CAPZA2: variants seen among roughly 807,000 people sequenced by gnomAD.
CAPZA2 encodes F-actin-capping protein subunit alpha-2.
A neutral mutation model predicts 44.0 loss-of-function variants in CAPZA2; 13 were observed. The ratio of observed to expected loss-of-function variants is 0.30; its 90% confidence interval spans 0.19 to 0.47. The LOEUF (loss-of-function observed/expected upper bound fraction) is 0.47, where lower values mean the gene tolerates loss of function less well. CAPZA2 is among the 20% of genes least tolerant of loss of function. The pLI, the probability that CAPZA2 is intolerant of heterozygous loss-of-function variation, is 1.00. For synonymous variants in CAPZA2, 94 were observed against 108.2 expected (o/e 0.87, Z 0.81); for missense variants, 244 against 338.6 (o/e 0.72, Z 2.19).
chr7:116,892,243 A>G (rs1329518514), intron 2 of CAPZA2, among the ~76,000 whole-genome samples: 3 of 152,178 alleles, frequency 2.0e-5, no homozygotes, highest in Non-Finnish European at 4.4e-5. Context: ...ATTTTCATCT[A>G]ATGAAAAATT....
intron 1 of CAPZA2, among the ~76,000 whole-genome samples, chr7:116,878,309 T>A (rs968374395): frequency 1.3e-5 from 2 of 152,220 alleles, no homozygotes; most frequent in Admixed American, 6.5e-5. Context: ...TACGCTGTAT[T>A]GGGAGGCAGC....
intron 4 of CAPZA2, among the ~76,000 whole-genome samples, chr7:116,900,433 A>C (rs1436281331): frequency 6.6e-6 from 1 of 151,908 alleles, no homozygotes; most frequent in East Asian, 1.9e-4. Flanking sequence ...AGAATTAATA[A>C]AAGAATTTGG....
chr7:116,897,866 T>G (rs1343548224), intron 3 of CAPZA2, among the ~76,000 whole-genome samples: 3 of 152,098 alleles, frequency 2.0e-5, no homozygotes, highest in African/African-American at 7.2e-5. Flanking sequence ...TTTTTCTGGC[T>G]CTCGTTGCTC....
intron 6 of CAPZA2, among the ~76,000 whole-genome samples, chr7:116,908,028 A>G (rs1261902033): frequency 6.6e-6 from 1 of 152,202 alleles, no homozygotes; most frequent in East Asian, 1.9e-4. Flanking sequence ...TTGGAGACCA[A>G]GGTAGGAGGA....
intron 6 of CAPZA2, among the ~76,000 whole-genome samples, chr7:116,908,713 C>T (rs1791548479): frequency 6.6e-6 from 1 of 151,978 alleles, no homozygotes; most frequent in Admixed American, 6.6e-5. Context: ...GCTAAGGACT[C>T]ACTAGCTGGC....
At chr7:116,907,451 T>G (rs182659001) in intron 6 of CAPZA2, among the ~76,000 whole-genome samples, 3 of 152,304 alleles carry the variant, frequency 2.0e-5, no homozygotes, top group Admixed American at 6.5e-5. Context: ...ATTACTAATT[T>G]ATGTTATTTA....
At chr7:116,902,728 C>T (rs972213178) in intron 4 of CAPZA2, among the ~76,000 whole-genome samples, 1 of 152,088 alleles carries the variant, frequency 6.6e-6, no homozygotes, top group Non-Finnish European at 1.5e-5. Flanking sequence ...CAGCAATACT[C>T]ATTTCACCTT....
intron 1 of CAPZA2, among the ~76,000 whole-genome samples, chr7:116,867,584 T>C (rs1046676423): frequency 3.3e-4 from 7 of 21,322 alleles, no homozygotes; most frequent in East Asian, 0.013. Flanking sequence ...TTCTCTCTCT[T>C]TTTTTTTTTT....
intron 3 of CAPZA2, among the ~76,000 whole-genome samples, chr7:116,895,337 T>C (rs1364030973): frequency 6.6e-6 from 1 of 151,720 alleles, no homozygotes; most frequent in Non-Finnish European, 1.5e-5. Flanking sequence ...TATGGGACTT[T>C]TATTTGTCCA....
intron 6 of CAPZA2, 151 bp from the exon 7 acceptor site, chr7:116,910,082 T>C: frequency 1.5e-6 from 1 of 657,512 alleles, no homozygotes; most frequent in South Asian, 1.6e-5. Flanking sequence ...ACCTTTTGAT[T>C]ATTTTTGACT....
At position 116,916,103 on chromosome 7, in the gene CAPZA2, C is replaced by T. The variant is rs1220190070; in HGVS notation, c.701C>T (p.Ala234Val). 6.5e-7 allele frequency: 1 copy of T among 1,532,460 alleles called. No individual in the cohort carries two copies. The highest frequency in any genetic ancestry group is 8.7e-7 in the Non-Finnish European group (1 of 1,145,960). The allele number at this position is 1,532,460 out of a possible 1,614,324, so 94.9% of individuals were successfully genotyped here. The change falls in exon 9 of 10, where the codon GCT becomes GTT. Residue 234 changes from alanine to valine, a missense_variant. Transcript: ENST00000361183. ...TAKEFIKIVE[A>V]AENEYQTAIS... Reference sequence around the variant, plus strand: ...AAAGAATTTATAAAGATTGTAGAAGCTGCAGAAAATGAATACCAGGTATGA... The same window carrying T: ...AAAGAATTTATAAAGATTGTAGAAGTTGCAGAAAATGAATACCAGGTATGA...
At chr7:116,886,234 G>A (rs1796760341) in intron 1 of CAPZA2, 1 of 153,920 alleles carries the variant, frequency 6.5e-6, no homozygotes, top group Admixed American at 6.5e-5. Context: ...TAAAGTAGAG[G>A]AGATTAGGTA....
intron 1 of CAPZA2, chr7:116,879,946 A>T: frequency 2.8e-6 from 1 of 353,278 alleles, no homozygotes. Flanking sequence ...GGGAGATTTA[A>T]TGTTTATTTA....
chr7:116,892,259 A>G (rs1025679301), intron 2 of CAPZA2, among the ~76,000 whole-genome samples: 1 of 152,224 alleles, frequency 6.6e-6, no homozygotes, highest in Non-Finnish European at 1.5e-5. Flanking sequence ...AAATTAGAAT[A>G]CATTGTATTA....
intron 4 of CAPZA2, among the ~76,000 whole-genome samples, chr7:116,903,239 T>A (rs868101733): frequency 0.035 from 4,940 of 143,158 alleles, 219 homozygotes; most frequent in African/African-American, 0.12. Context: ...GAAGAGTGTG[T>A]GTGTGTGTGT....
At chr7:116,869,168 T>C (rs183396519) in intron 1 of CAPZA2, among the ~76,000 whole-genome samples, 5 of 152,328 alleles carry the variant, frequency 3.3e-5, no homozygotes, top group South Asian at 2.1e-4. Context: ...AAAGTTATTA[T>C]AGCAATAATT....
At chr7:116,875,579 C>G (rs1384323160) in intron 1 of CAPZA2, 1 of 151,116 alleles carries the variant, frequency 6.6e-6, no homozygotes, top group African/African-American at 2.4e-5. Context: ...CAGGGTCTTG[C>G]TCTGTCAGCC....
At chr7:116,869,472 C>T (rs1440850062) in intron 1 of CAPZA2, among the ~76,000 whole-genome samples, 1 of 152,116 alleles carries the variant, frequency 6.6e-6, no homozygotes, top group Non-Finnish European at 1.5e-5. Flanking sequence ...CTAAATATAC[C>T]ACATTTCACT....
chr7:116,908,128 G>T (rs776039138), intron 6 of CAPZA2, among the ~76,000 whole-genome samples: 1 of 151,886 alleles, frequency 6.6e-6, no homozygotes, highest in African/African-American at 2.4e-5. Flanking sequence ...AGGCATGGTG[G>T]TGCGTGCCTA....
Sources: allele counts gnomAD v4.1 joint callset (sites outside exome capture counted in the v4.1 genomes callset), GRCh38; gene constraint gnomAD v4.1.1; transcripts MANE v1.5; gene names NCBI Gene and HGNC (gene_info 2026-07-23, HGNC 2026-07-21).